Variants in SGCD observed in about 807,000 individuals in gnomAD.
SGCD encodes the protein sarcoglycan delta, also known as delta-sarcoglycan.
In SGCD, 18 loss-of-function variants were observed where a neutral mutation model predicts 36.6. That is an observed-to-expected ratio of 0.49 (90% CI 0.34 to 0.73). The LOEUF is 0.73. Ranked by LOEUF, SGCD falls within the 30% of genes least tolerant of loss-of-function variation. The pLI, the probability that SGCD is intolerant of heterozygous loss-of-function variation, is 0.01. For missense variants in SGCD, 387 were observed against 346.7 expected, an observed-to-expected ratio of 1.12 and a Z score of -0.92; for synonymous variants, 133 against 130.6, an observed-to-expected ratio of 1.02 and a Z score of -0.12.
In SGCD at chr5:156,030,446, C is replaced by G. The variant is rs377661670; in HGVS notation, c.-281-87432C>G. Among the ~76,000 whole-genome samples, 105 of 152,264 alleles carry G rather than the reference C, an allele frequency of 6.9e-4. No homozygotes were observed. The East Asian group carries it at 0.019, about 27-fold the overall frequency. On this transcript the variant is annotated intron_variant, in intron 1 of 9. Coordinates refer to the SGCD transcript ENST00000517913. ...AGTGGCATGTCTACAAGCCAAGGAA[C>G]AGCAAGGATTGCTGGCAGCACCAGA...
intron 2 of SGCD, among the ~76,000 whole-genome samples, chr5:156,336,921 A>G (rs562030428): frequency 1.3e-5 from 2 of 152,346 alleles, no homozygotes; most frequent in Admixed American, 6.5e-5. Flanking sequence ...ATTTGTTTAA[A>G]AAGAAACTGC....
At chr5:156,577,011 G>A (rs972529553) in intron 4 of SGCD, among the ~76,000 whole-genome samples, 15 of 152,068 alleles carry the variant, frequency 9.9e-5, no homozygotes, top group African/African-American at 2.2e-4. Flanking sequence ...TTCCTGAATC[G>A]TATTGCCTAG....
intron 1 of SGCD, among the ~76,000 whole-genome samples, chr5:155,982,384 C>T (rs1758246902): frequency 6.6e-6 from 1 of 152,184 alleles, no homozygotes; most frequent in South Asian, 2.1e-4. Context: ...AGAAAGTTCT[C>T]AGTTGCTGGT....
At chr5:156,007,382 C>T (rs949199260) in intron 1 of SGCD, among the ~76,000 whole-genome samples, 1 of 152,170 alleles carries the variant, frequency 6.6e-6, no homozygotes, top group East Asian at 1.9e-4. Context: ...TCTTCAAACT[C>T]TCCTGAGAGA....
intron 3 of SGCD, among the ~76,000 whole-genome samples, chr5:156,454,493 G>A (rs1462061407): frequency 1.3e-5 from 2 of 152,182 alleles, no homozygotes; most frequent in African/African-American, 4.8e-5. Context: ...ACAATGTGGT[G>A]AATTCAGCTC....
chr5:156,401,700 C>A (rs953135187), intron 3 of SGCD, among the ~76,000 whole-genome samples: 4 of 152,118 alleles, frequency 2.6e-5, no homozygotes, highest in African/African-American at 9.7e-5. Flanking sequence ...ACATTCATAG[C>A]CCCTACAGTC....
chr5:156,178,468 A>C (rs941481859), intron 3 of SGCD, among the ~76,000 whole-genome samples: 1 of 152,234 alleles, frequency 6.6e-6, no homozygotes, highest in Non-Finnish European at 1.5e-5. Flanking sequence ...TCTCTTTTAC[A>C]AATTAGAGTT....
At chr5:156,357,914 A>G (rs11743063) in intron 3 of SGCD, among the ~76,000 whole-genome samples, 77,591 of 152,012 alleles carry the variant, frequency 0.51, 20,170 homozygotes, top group East Asian at 0.86. Context: ...GCAATGGATA[A>G]CAGAACTCGG....
rs1029083534 is a variant in SGCD, at chr5:156,766,601, TTGGTG to T, written c.*7212_*7216del. The T allele has an allele frequency of 6.8e-6, 1 of 147,866 alleles. No individual in the cohort carries two copies. Among genetic ancestry groups the T allele is most frequent in the African/African-American group, 2.5e-5 (1 of 39,672 alleles). The allele number at this position is 147,866 out of a possible 1,614,324, so 9.2% of individuals were successfully genotyped here. ...GGCATCCTAGATTCAGCAATGAGGT[TTGGTG>T]GTGTTTCAACTAGGAAGGGAGAAAA... On this transcript the variant is annotated 3_prime_UTR_variant, in exon 9 of 9. Coordinates refer to ENST00000337851, the MANE Select transcript of SGCD (RefSeq NM_000337.6).
chr5:156,382,828 G>GA (rs548110125), intron 3 of SGCD, among the ~76,000 whole-genome samples: 151 of 152,130 alleles, frequency 9.9e-4, no homozygotes, highest in African/African-American at 3.2e-3. Context: ...TACAATTTCA[G>GA]AAAAAAACAG....
chr5:155,873,367 A>G lies in SGCD; in HGVS notation c.-282+2943A>G, dbSNP rs1450836198. 2.0e-5 allele frequency among the ~76,000 whole-genome samples: 3 copies of G among 152,322 alleles called. No individual in the cohort carries two copies. The East Asian group carries it at 5.8e-4, about 29-fold the overall frequency. ...AATAACTCAGGAACAGAAAACCTAAATACTGCATTGTCTTAAGTGAAATAA... is the reference window on the plus strand; with the variant it reads ...AATAACTCAGGAACAGAAAACCTAAGTACTGCATTGTCTTAAGTGAAATAA... On this transcript the variant is annotated intron_variant, in intron 1 of 9. Transcript: ENST00000517913.
chr5:156,373,701 C>G (rs1770511993), intron 3 of SGCD, among the ~76,000 whole-genome samples: 3 of 152,148 alleles, frequency 2.0e-5, no homozygotes. Flanking sequence ...GAACGGATAG[C>G]AATTGTAATT....
chr5:156,097,519 A>G (rs923840315), intron 1 of SGCD, among the ~76,000 whole-genome samples: 1 of 152,158 alleles, frequency 6.6e-6, no homozygotes, highest in Non-Finnish European at 1.5e-5. Flanking sequence ...GTCCATTTAT[A>G]AAGTCTTTCA....
chr5:155,821,545 C>T, the SGCD span, among the ~76,000 whole-genome samples: 1 of 152,156 alleles, frequency 6.6e-6, no homozygotes, highest in African/African-American at 2.4e-5. Context: ...GATCTCCTGA[C>T]CTCGTGATCC....
intron 3 of SGCD, among the ~76,000 whole-genome samples, chr5:156,455,569 G>A (rs150380525): frequency 1.6e-4 from 25 of 151,874 alleles, no homozygotes; most frequent in South Asian, 6.2e-4. Context: ...AGCCTCCTTC[G>A]GTAGGAAAGG....
intron 3 of SGCD, among the ~76,000 whole-genome samples, chr5:156,185,827 G>GTATATATATA (rs1763730284): frequency 1.3e-4 from 1 of 7,918 alleles, no homozygotes; most frequent in Non-Finnish European, 2.2e-4. Context: ...ATATATATGT[G>GTATATATATA]TGTGTGTATA....
chr5:155,911,449 A>G (rs534286230), intron 1 of SGCD, among the ~76,000 whole-genome samples: 18 of 152,084 alleles, frequency 1.2e-4, no homozygotes, highest in Non-Finnish European at 2.2e-4. Flanking sequence ...CTGGGTGCAA[A>G]TAAGTTCACA....
At chr5:156,554,280 A>C (rs931679584) in intron 4 of SGCD, among the ~76,000 whole-genome samples, 2 of 151,704 alleles carry the variant, frequency 1.3e-5, no homozygotes, top group Non-Finnish European at 2.9e-5. Flanking sequence ...GCTTGAAATC[A>C]GGAGGCGAAG....
chr5:156,483,060 G>A (rs1393331014), intron 3 of SGCD, among the ~76,000 whole-genome samples: 3 of 152,014 alleles, frequency 2.0e-5, no homozygotes, highest in Non-Finnish European at 4.4e-5. Flanking sequence ...GCCTCATCTA[G>A]GCCTCATGAA....
Sources: allele counts gnomAD v4.1 joint callset (sites outside exome capture counted in the v4.1 genomes callset), GRCh38; gene constraint gnomAD v4.1.1; transcripts MANE v1.5; gene names NCBI Gene and HGNC (gene_info 2026-07-23, HGNC 2026-07-21).